TMC1: variants seen among roughly 807,000 people sequenced by gnomAD.
TMC1 encodes transmembrane channel like 1, also known as transmembrane channel-like protein 1.
Under a neutral mutation model 105.8 loss-of-function variants are expected in TMC1, and 84 were observed. The ratio of observed to expected loss-of-function variants is 0.79; its 90% CI spans 0.67 to 0.95. The LOEUF is 0.95. TMC1 is among the 40% of genes least tolerant of loss of function. The pLI is 0.00. For missense variants in TMC1, 817 were observed against 914.1 expected (o/e 0.89, Z 1.37); for synonymous variants, 315 against 311.5 (o/e 1.01, Z -0.12).
intron 8 of TMC1, 88 bp from the exon 9 acceptor site, chr9:72,740,031 C>A: frequency 2.0e-6 from 2 of 987,456 alleles, no homozygotes; most frequent in Non-Finnish European, 3.2e-6. Flanking sequence ...AGACTGCAGA[C>A]CTGGTAAATT....
intron 19 of TMC1, among the ~76,000 whole-genome samples, chr9:72,819,163 TGATG>T (rs1453960562): frequency 5.3e-5 from 8 of 152,174 alleles, no homozygotes; most frequent in African/African-American, 1.9e-4. Flanking sequence ...AGACCCAGAC[TGATG>T]GAATAGGATC....
intron 1 of TMC1, among the ~76,000 whole-genome samples, chr9:72,532,017 C>T (rs1318822369): frequency 6.6e-6 from 1 of 151,948 alleles, no homozygotes; most frequent in African/African-American, 2.4e-5. Flanking sequence ...CTGCAACCTC[C>T]ATCTCCTAGG....
At chr9:72,570,454 C>G (rs1286831885) in intron 1 of TMC1, among the ~76,000 whole-genome samples, 2 of 151,864 alleles carry the variant, frequency 1.3e-5, no homozygotes, top group Non-Finnish European at 2.9e-5. Flanking sequence ...CCATCATGAA[C>G]AGTTTGGTCT....
intron 5 of TMC1, among the ~76,000 whole-genome samples, chr9:72,673,926 A>G (rs1264701379): frequency 1.2e-4 from 18 of 152,190 alleles, no homozygotes; most frequent in Admixed American, 1.1e-3. Flanking sequence ...CCCTGAGGCC[A>G]GTGCTACTCT....
intron 6 of TMC1, among the ~76,000 whole-genome samples, chr9:72,691,040 T>A (rs1826458701): frequency 6.6e-6 from 1 of 152,128 alleles, no homozygotes; most frequent in Non-Finnish European, 1.5e-5. Context: ...TAACTATAAT[T>A]TCAAACATCC....
Position 72,636,494 on chromosome 9 carries a change from C to T in TMC1, c.-53+8431C>T, listed in dbSNP as rs190020371. Among the ~76,000 whole-genome samples the T allele has an allele frequency of 9.3e-4, 142 of 151,888 alleles. 1 individual carries two copies. Among genetic ancestry groups the T allele is most frequent in the African/African-American group, 3.3e-3 (136 of 41,410 alleles). Reference sequence around the variant, plus strand: ...GGAGGATCACTTGAGGTCAGGAGTTCGAGACCAGCCTGGCCACCATGGTGA... The same window carrying T: ...GGAGGATCACTTGAGGTCAGGAGTTTGAGACCAGCCTGGCCACCATGGTGA... On this transcript the variant is annotated intron_variant, in intron 4 of 23. Coordinates refer to ENST00000297784, the MANE Select transcript of TMC1 (RefSeq NM_138691.3).
rs538710734 is a variant in TMC1 at position 72,613,782 on chromosome 9, T to A, written c.-305-2586T>A. 2.6e-5 allele frequency among the ~76,000 whole-genome samples: 4 copies of A among 152,156 alleles called. No homozygotes were observed. The East Asian group carries it at 7.7e-4, about 29-fold the overall frequency. On this transcript the variant is annotated intron_variant, in intron 2 of 23. Transcript: ENST00000297784. Reference sequence around the variant, plus strand: ...CGTGTTGTGGGAGGAGTGTAACTGATGTGGCTAGACAGGATTAACGAAAGT... The same window carrying A: ...CGTGTTGTGGGAGGAGTGTAACTGAAGTGGCTAGACAGGATTAACGAAAGT...
At chr9:72,658,393 A>G (rs569838177) in intron 5 of TMC1, among the ~76,000 whole-genome samples, 1 of 151,734 alleles carries the variant, frequency 6.6e-6, no homozygotes, top group Non-Finnish European at 1.5e-5. Flanking sequence ...CTTTCAGTCT[A>G]TCTTACTCAT....
chr9:72,778,649 G>C (rs1828041816), intron 13 of TMC1, among the ~76,000 whole-genome samples: 1 of 152,192 alleles, frequency 6.6e-6, no homozygotes, highest in African/African-American at 2.4e-5. Flanking sequence ...CCATGCCCCT[G>C]TAGGCTTTGG....
intron 17 of TMC1, among the ~76,000 whole-genome samples, chr9:72,796,762 A>T (rs1828377641): frequency 6.6e-6 from 1 of 152,064 alleles, no homozygotes; most frequent in Admixed American, 6.6e-5. Flanking sequence ...CCACAGCCAA[A>T]ATCATAATGA....
intron 8 of TMC1, among the ~76,000 whole-genome samples, chr9:72,738,153 C>G (rs1015928246): frequency 3.5e-4 from 53 of 152,318 alleles, no homozygotes; most frequent in African/African-American, 1.2e-3. Flanking sequence ...GAAGTTACAA[C>G]AAGACAAGAT....
chr9:72,619,176 C>A (rs1825197230), intron 3 of TMC1, among the ~76,000 whole-genome samples: 1 of 150,694 alleles, frequency 6.6e-6, no homozygotes, highest in Non-Finnish European at 1.5e-5. Context: ...ATGAAGAGGC[C>A]CCCAGTGTCC....
intron 1 of TMC1, among the ~76,000 whole-genome samples, chr9:72,577,008 G>T (rs1264745470): frequency 6.6e-6 from 1 of 151,758 alleles, no homozygotes; most frequent in Non-Finnish European, 1.5e-5. Context: ...GGCCAACTGG[G>T]ATTTTTTTCA....
At chr9:72,788,532 A>C in intron 14 of TMC1, 49 bp downstream of exon 14, 1 of 1,596,386 alleles carries the variant, frequency 6.3e-7, no homozygotes, top group Non-Finnish European at 8.6e-7. Context: ...CTAAGAGTAA[A>C]ATTGGAGGCA....
At chr9:72,559,131 G>T (rs990423180) in intron 1 of TMC1, among the ~76,000 whole-genome samples, 12 of 149,734 alleles carry the variant, frequency 8.0e-5, no homozygotes, top group Non-Finnish European at 1.5e-5. Context: ...GTCTTGCTTC[G>T]TCGCCCAGGC....
intron 18 of TMC1, among the ~76,000 whole-genome samples, chr9:72,814,894 C>CTT (rs1828758327): frequency 1.9e-5 from 2 of 103,348 alleles, no homozygotes; most frequent in Non-Finnish European, 2.0e-5. Context: ...CTTGGATCAT[C>CTT]TTTGTGTGTG....
rs531976712 is a variant in TMC1, at chr9:72,625,461, G to A, written c.-195-2460G>A. Among the ~76,000 whole-genome samples the A allele has an allele frequency of 2.0e-5, 3 of 152,168 alleles. No homozygotes were observed. In the East Asian group the frequency reaches 5.8e-4, roughly 29 times the overall value. On this transcript the variant is annotated intron_variant, in intron 3 of 23. Transcript: ENST00000297784. ...CCCAGCACTTTGGGAGGCCGAGGCA[G>A]GTGGATCACGAGATCAGGAGATCTA...
intron 8 of TMC1, among the ~76,000 whole-genome samples, chr9:72,715,733 AT>A (rs1395117756): frequency 6.6e-6 from 1 of 151,766 alleles, no homozygotes. Flanking sequence ...GGAGTTTGTT[AT>A]TACCCACCTT....
intron 2 of TMC1, chr9:72,608,028 G>T (rs1231565598): frequency 1.3e-5 from 2 of 152,130 alleles, no homozygotes; most frequent in African/African-American, 2.4e-5. Context: ...AGATTAATCT[G>T]GTCCAATTGT....
Sources: gnomAD v4.1 joint callset for allele counts (sites outside exome capture counted in the v4.1 genomes callset) on GRCh38, gnomAD v4.1.1 for gene constraint, MANE v1.5 for transcripts, NCBI Gene and HGNC (gene_info 2026-07-23, HGNC 2026-07-21) for gene names.